The following ANKS1B variants were observed in gnomAD, a reference collection of about 807,000 sequenced individuals.
ANKS1B encodes the protein ankyrin repeat and sterile alpha motif domain-containing protein 1B.
In ANKS1B, 36 loss-of-function variants were observed where a neutral mutation model predicts 148.3. The observed-to-expected ratio is 0.24, with a 90% CI of 0.19 to 0.32. ANKS1B has a LOEUF of 0.32. Among genes scored for constraint, ANKS1B ranks in the 10% least tolerant of loss-of-function variants. The probability of loss-of-function intolerance (pLI) is 1.00; values close to 1 mark genes in which losing one functional copy is unlikely to be tolerated. For synonymous variants in ANKS1B, 542 were observed against 560.8 expected, an observed-to-expected ratio of 0.97 and a Z score of 0.47; for missense variants, 1,157 against 1,542.6, an observed-to-expected ratio of 0.75 and a Z score of 4.19.
At chr12:99,224,748 G>T (rs1027775841) in intron 14 of ANKS1B, among the ~76,000 whole-genome samples, 8 of 152,122 alleles carry the variant, frequency 5.3e-5, no homozygotes, top group African/African-American at 1.4e-4. Flanking sequence ...AAAGAATAAG[G>T]AAATGAAGAC....
chr12:98,863,736 T>G (rs1408625558), intron 17 of ANKS1B, among the ~76,000 whole-genome samples: 1 of 152,178 alleles, frequency 6.6e-6, no homozygotes, highest in Non-Finnish European at 1.5e-5. Flanking sequence ...GAAGTAAACT[T>G]GTACATTAGC....
At chr12:99,170,598 A>G (rs140426153) in intron 14 of ANKS1B, among the ~76,000 whole-genome samples, 6 of 152,258 alleles carry the variant, frequency 3.9e-5, no homozygotes, top group Admixed American at 1.3e-4. Flanking sequence ...CAGTCCCTCG[A>G]CCAAGAGACT....
At chr12:99,363,586 C>T (rs902516289) in intron 12 of ANKS1B, among the ~76,000 whole-genome samples, 4 of 152,038 alleles carry the variant, frequency 2.6e-5, no homozygotes, top group African/African-American at 9.7e-5. Context: ...AGCTTCAGGA[C>T]CCTTGATTTA....
At chr12:99,653,503 G>T (rs2098435131) in intron 9 of ANKS1B, among the ~76,000 whole-genome samples, 1 of 152,050 alleles carries the variant, frequency 6.6e-6, no homozygotes, top group Non-Finnish European at 1.5e-5. Flanking sequence ...ATGTAGATAT[G>T]AGGTAAAAAA....
chr12:99,702,364 T>C (rs1205278545), intron 8 of ANKS1B, among the ~76,000 whole-genome samples: 1 of 152,150 alleles, frequency 6.6e-6, no homozygotes, highest in African/African-American at 2.4e-5. Flanking sequence ...ATTCAGATCT[T>C]TTGCCCATTT....
chr12:98,890,325 A>G (rs889410924), intron 17 of ANKS1B, among the ~76,000 whole-genome samples: 18 of 152,242 alleles, frequency 1.2e-4, no homozygotes, highest in African/African-American at 3.6e-4. Flanking sequence ...TGAAGAGACA[A>G]TGCCAACCTT....
rs2099961891 is a variant in ANKS1B, at chr12:99,045,699, A to G, written c.2778+7458T>C. ...TGGACACAACTAAAAGTCCAGATGA[A>G]TATATTAAACAATGGTTTTCAAGGC... On this transcript the variant is annotated intron_variant, in intron 17 of 26. Transcript: ENST00000683438. Among the ~76,000 whole-genome samples the G allele has an allele frequency of 2.0e-5, 3 of 152,210 alleles. No individual in the cohort carries two copies. In the South Asian group the frequency reaches 6.2e-4, roughly 31 times the overall value.
intron 10 of ANKS1B, among the ~76,000 whole-genome samples, chr12:99,454,936 G>C (rs2095820550): frequency 6.6e-6 from 1 of 152,148 alleles, no homozygotes; most frequent in Non-Finnish European, 1.5e-5. Context: ...TAAATGTTAA[G>C]CAATGAAGAA....
At chr12:99,200,657 G>A (rs917881444) in intron 14 of ANKS1B, among the ~76,000 whole-genome samples, 2 of 152,124 alleles carry the variant, frequency 1.3e-5, no homozygotes, top group Non-Finnish European at 2.9e-5. Flanking sequence ...AGTTAAGGGG[G>A]TGTAGCCAAA....
intron 9 of ANKS1B, among the ~76,000 whole-genome samples, chr12:99,642,591 G>A (rs2098321248): frequency 6.6e-6 from 1 of 152,112 alleles, no homozygotes; most frequent in African/African-American, 2.4e-5. Context: ...CGAGGCAGGT[G>A]AATCACCTGA....
chr12:99,542,543 T>G (rs1212007830), intron 9 of ANKS1B, among the ~76,000 whole-genome samples: 1 of 152,056 alleles, frequency 6.6e-6, no homozygotes, highest in African/African-American at 2.4e-5. Flanking sequence ...GTGCTTTTTT[T>G]CACAGAAATT....
chr12:99,464,182 G>T (rs1186092812), intron 10 of ANKS1B, among the ~76,000 whole-genome samples: 1 of 152,114 alleles, frequency 6.6e-6, no homozygotes, highest in African/African-American at 2.4e-5. Flanking sequence ...AGGCAAACAG[G>T]GTCTGGAGTG....
chr12:99,282,062 G>C (rs1171489352), intron 12 of ANKS1B, among the ~76,000 whole-genome samples: 1 of 152,114 alleles, frequency 6.6e-6, no homozygotes, highest in Non-Finnish European at 1.5e-5. Flanking sequence ...TAATAATACA[G>C]GCAATTAAGA....
At chr12:99,795,930 T>A (rs909730792) in intron 4 of ANKS1B, among the ~76,000 whole-genome samples, 1 of 152,038 alleles carries the variant, frequency 6.6e-6, no homozygotes, top group African/African-American at 2.4e-5. Context: ...CAACTTCAGA[T>A]AGAGGATTCA....
At chr12:99,325,935 G>A (rs1288805050) in intron 12 of ANKS1B, among the ~76,000 whole-genome samples, 1 of 152,048 alleles carries the variant, frequency 6.6e-6, no homozygotes, top group Non-Finnish European at 1.5e-5. Flanking sequence ...ATGGCTCGGA[G>A]GCCTCAGGAA....
chr12:99,155,106 G>C, intron 14 of ANKS1B: 1 of 1,512,012 alleles, frequency 6.6e-7, no homozygotes, highest in Admixed American at 2.1e-5. Flanking sequence ...TATTTGTTGT[G>C]GAATTTTACG....
chr12:98,917,123 G>C (rs891993501), intron 17 of ANKS1B, among the ~76,000 whole-genome samples: 1 of 152,090 alleles, frequency 6.6e-6, no homozygotes, highest in African/African-American at 2.4e-5. Context: ...ACCATGCCCA[G>C]TTAATTTTTA....
chr12:99,491,554 A>G (rs1357811845), intron 10 of ANKS1B, among the ~76,000 whole-genome samples: 1 of 152,042 alleles, frequency 6.6e-6, no homozygotes, highest in Non-Finnish European at 1.5e-5. Flanking sequence ...TCCACCCACA[A>G]GTAGGCCCCA....
At chr12:99,648,262 C>G (rs11109968) in intron 9 of ANKS1B, 455,528 of 1,613,978 alleles carry the variant, frequency 0.28, 66,525 homozygotes, top group Middle Eastern at 0.3. Context: ...GAAGCTGCAG[C>G]GGCAACTGTA....
Sources: gnomAD v4.1 joint callset for allele counts (sites outside exome capture counted in the v4.1 genomes callset) on GRCh38, gnomAD v4.1.1 for gene constraint, MANE v1.5 for transcripts, NCBI Gene and HGNC (gene_info 2026-07-23, HGNC 2026-07-21) for gene names.